The following FCRL4 variants were observed in gnomAD, a reference collection of about 807,000 sequenced individuals.
FCRL4 encodes the protein Fc receptor-like protein 4.
FCRL4 carries 43 observed loss-of-function variants against 64.1 expected under a neutral mutation model. The ratio of observed to expected loss-of-function variants is 0.67; its 90% CI spans 0.53 to 0.87. FCRL4 has a LOEUF of 0.87. Among genes scored for constraint, FCRL4 ranks in the 40% least tolerant of loss-of-function variants. FCRL4 has a pLI of 0.00. For synonymous variants in FCRL4, 253 were observed against 239.8 expected (o/e 1.05, Z -0.51); for missense variants, 656 against 613.5 (o/e 1.07, Z -0.73).
Position 157,591,347 on chromosome 1 carries a change from A to G in FCRL4, c.53-1889T>C, listed in dbSNP as rs973356613. 9.9e-5 allele frequency among the ~76,000 whole-genome samples: 15 copies of G among 152,172 alleles called. 2 individuals are homozygous for G. Among genetic ancestry groups the G allele is most frequent in the Admixed American group, 9.2e-4 (14 of 15,280 alleles). On this transcript the variant is annotated intron_variant, in intron 2 of 11. Coordinates refer to ENST00000271532, the MANE Select transcript of FCRL4 (RefSeq NM_031282.3). ...AAAATACTAGTTATACCAGGTGGCC[A>G]TATTTTGGGGTGAAATATTTTGGTT...
chr1:157,592,611 A>G (rs1389352221), intron 2 of FCRL4, among the ~76,000 whole-genome samples: 31 of 152,232 alleles, frequency 2.0e-4, no homozygotes. Context: ...GATGTGAAGA[A>G]ATGGAAAGGC....
chr1:157,596,969 A>ATGGGG (rs1240570548), intron 1 of FCRL4, among the ~76,000 whole-genome samples: 3 of 152,236 alleles, frequency 2.0e-5, no homozygotes. Context: ...ACATTTATAC[A>ATGGGG]TGGGGTGCCC....
At chr1:157,596,785 G>A (rs933027394) in intron 1 of FCRL4, among the ~76,000 whole-genome samples, 1 of 152,126 alleles carries the variant, frequency 6.6e-6, no homozygotes, top group Non-Finnish European at 1.5e-5. Context: ...ACAGTAGAGG[G>A]TAGTAGTTAA....
chr1:157,588,123 G>A lies in FCRL4; in HGVS notation c.308-4C>T. ...GGTGCCTGCAGGATTAAGGAGTCTG[G>A]AAAAGACACAGAGAGGAGATCGTCA... On this transcript the variant is annotated splice_region_variant and splice_polypyrimidine_tract_variant and intron_variant, in intron 3 of 11. Transcript: ENST00000271532. 3 of 1,599,276 alleles carry A rather than the reference G, an allele frequency of 1.9e-6. No individual in the cohort carries two copies. The highest frequency in any genetic ancestry group is 2.6e-6 in the Non-Finnish European group (3 of 1,173,062).
intron 8 of FCRL4, among the ~76,000 whole-genome samples, chr1:157,579,828 A>C (rs990246858): frequency 6.6e-6 from 1 of 152,214 alleles, no homozygotes; most frequent in Non-Finnish European, 1.5e-5. Flanking sequence ...CTTACCTAAG[A>C]CTGAGACACT....
chr1:157,584,894 G>A (rs1262164795), intron 6 of FCRL4, among the ~76,000 whole-genome samples: 1 of 129,954 alleles, frequency 7.7e-6, no homozygotes, highest in Non-Finnish European at 1.7e-5. Flanking sequence ...ATAAGGATCT[G>A]GAAAGAAAAC....
rs1331454505 is a variant in FCRL4, at chr1:157,575,039, ATTGT to A, written c.*481_*484del. The A allele has an allele frequency of 4.2e-6, 1 of 236,938 alleles. No homozygotes were observed. Among genetic ancestry groups the A allele is most frequent in the African/African-American group, 2.2e-5 (1 of 44,860 alleles). The allele number at this position is 236,938 out of a possible 1,614,324, so 14.7% of individuals were successfully genotyped here. On this transcript the variant is annotated 3_prime_UTR_variant, in exon 12 of 12. Coordinates refer to ENST00000271532, the MANE Select transcript of FCRL4 (RefSeq NM_031282.3). ...GCAGGCAGAAGTGAAGGGGCTTTTCATTGTTTGCACAGTGCCTGTGCAGCCACTC... is the reference window on the plus strand; with the variant it reads ...GCAGGCAGAAGTGAAGGGGCTTTTCATTGCACAGTGCCTGTGCAGCCACTC...
rs367755218 is a variant in FCRL4 at position 157,596,285 on chromosome 1, G to A, written c.52+43C>T. 1.7e-5 allele frequency: 27 copies of A among 1,585,518 alleles called. No homozygotes were observed. In the African/African-American group the frequency reaches 3.5e-4, roughly 21 times the overall value. ...TATTTGAGATAAAATATAGTTATTA[G>A]GGTATCTAGAGACATAAAGGAGCAA... is the stretch of plus-strand genomic sequence containing the variant. On this transcript the variant is annotated intron_variant, in intron 2 of 11. Coordinates refer to ENST00000271532, the MANE Select transcript of FCRL4 (RefSeq NM_031282.3).
At chr1:157,575,826 C>A in intron 10 of FCRL4, 96 bp from the exon 11 acceptor site, 1 of 1,102,426 alleles carries the variant, frequency 9.1e-7, no homozygotes, top group Admixed American at 1.7e-5. Context: ...AGCCACTGGG[C>A]CCTGTCCACC....
chr1:157,578,505 GATCTCAGAGTATACCAA>G lies in FCRL4; in HGVS notation c.1381_1397del (p.Leu461ProfsTer12). 6.2e-7 allele frequency: 1 copy of G among 1,613,976 alleles called. No individual in the cohort carries two copies. Among genetic ancestry groups the G allele is most frequent in the South Asian group, 1.1e-5 (1 of 91,078 alleles). On this transcript the variant is annotated frameshift_variant, in exon 10 of 12. Transcript: ENST00000271532. LOFTEE classifies it high-confidence loss of function. Reference sequence around the variant, plus strand: ...CTTCTTCTCCCAGCTGAGTAGTCTGGATCTCAGAGTATACCAAATCTCCCTTTTTGGGGTGTACTGGA... The same window carrying G: ...CTTCTTCTCCCAGCTGAGTAGTCTGGATCTCCCTTTTTGGGGTGTACTGGA...
At chr1:157,591,877 G>A (rs1299933855) in intron 2 of FCRL4, among the ~76,000 whole-genome samples, 1 of 152,084 alleles carries the variant, frequency 6.6e-6, no homozygotes, top group Non-Finnish European at 1.5e-5. Context: ...AAACAGCATG[G>A]TACTGGTACC....
In FCRL4 at chr1:157,575,733, G is replaced by A. The variant is rs1405992379; in HGVS notation, c.1430-3C>T. 2 of 1,613,638 alleles carry A rather than the reference G, an allele frequency of 1.2e-6. No homozygotes were observed. The highest frequency in any genetic ancestry group is 1.1e-5 in the South Asian group (1 of 91,070). On this transcript the variant is annotated splice_polypyrimidine_tract_variant and splice_region_variant and intron_variant, in intron 10 of 11. Coordinates refer to ENST00000271532, the MANE Select transcript of FCRL4 (RefSeq NM_031282.3). ...TAGAAGTGTCCTGGAGGTATTAGCT[G>A]TGGACAGAAAGAGAATCACTGGACT...
chr1:157,575,690 G>A lies in FCRL4; in HGVS notation c.1461+9C>T. On this transcript the variant is annotated intron_variant, in intron 11 of 11. Coordinates refer to ENST00000271532, the MANE Select transcript of FCRL4 (RefSeq NM_031282.3). ...GGTGGAGATAAAACTGTGGGGAAAT[G>A]AAACTCACCTTATCCTCTAGAAGTG... 6.2e-7 allele frequency: 1 copy of A among 1,613,804 alleles called. No homozygotes were observed. The highest frequency in any genetic ancestry group is 8.5e-7 in the Non-Finnish European group (1 of 1,179,748).
rs1250047279 is a variant in FCRL4 at position 157,588,013 on chromosome 1, C to T, written c.414G>A (p.Trp138Ter). 1 of 1,613,034 alleles carries T rather than the reference C, an allele frequency of 6.2e-7. No homozygotes were observed. The highest frequency in any genetic ancestry group is 8.5e-7 in the Non-Finnish European group (1 of 1,179,496). ...KEKLTAVKYT[W>*]NGNILSISNK... Reference sequence around the variant, plus strand: ...TAGAAATGGAAAGAATGTTTCCATTCCAAGTATATTTCACAGCAGTCAATT... The same window carrying T: ...TAGAAATGGAAAGAATGTTTCCATTTCAAGTATATTTCACAGCAGTCAATT... Residue 138 changes from tryptophan to a stop codon, truncating the protein, a stop_gained, in exon 4 of 12, where the codon TGG becomes TGA. Transcript: ENST00000271532. LOFTEE classifies it high-confidence loss of function.
At chr1:157,587,629 A>G (rs1652733620) in intron 4 of FCRL4, 69 bp from the exon 5 acceptor site, 1 of 1,515,388 alleles carries the variant, frequency 6.6e-7, no homozygotes, top group Non-Finnish European at 9.0e-7. Flanking sequence ...ACAGGTTTGG[A>G]TGCTCAGTCC....
chr1:157,575,403 G>GA lies in FCRL4; in HGVS notation c.*120dup. On this transcript the variant is annotated 3_prime_UTR_variant, in exon 12 of 12. Transcript: ENST00000271532. ...CCTGGGAGTGAATGCATATGCATGA[G>GA]AAGAATTAGAAAGCTGGAATGAGTT... 1.4e-6 allele frequency: 1 copy of GA among 722,872 alleles called. No individual in the cohort carries two copies. The highest frequency in any genetic ancestry group is 1.7e-5 in the South Asian group (1 of 60,106). The allele number at this position is 722,872 out of a possible 1,614,324, so 44.8% of individuals were successfully genotyped here.
intron 2 of FCRL4, 50 bp from the exon 3 acceptor site, chr1:157,589,508 G>A (rs1326130919): frequency 1.1e-5 from 18 of 1,593,940 alleles, no homozygotes; most frequent in Non-Finnish European, 1.5e-5. Flanking sequence ...TGCAGTCCCA[G>A]CTGCAGTGGC....
chr1:157,596,469 A>G (rs1652969125), intron 1 of FCRL4, 121 bp from the exon 2 acceptor site: 1 of 1,110,692 alleles, frequency 9.0e-7, no homozygotes, highest in Non-Finnish European at 1.4e-6. Flanking sequence ...GTTCCATTCC[A>G]TCCATCCCAG....
intron 8 of FCRL4, among the ~76,000 whole-genome samples, chr1:157,579,658 C>T (rs1020719733): frequency 2.1e-5 from 3 of 145,696 alleles, no homozygotes; most frequent in Non-Finnish European, 3.0e-5. Flanking sequence ...CGGAGGTTGC[C>T]ATGAGCTAAG....
Sources: allele counts gnomAD v4.1 joint callset (sites outside exome capture counted in the v4.1 genomes callset), GRCh38; gene constraint gnomAD v4.1.1; transcripts MANE v1.5; gene names NCBI Gene and HGNC (gene_info 2026-07-23, HGNC 2026-07-21).